KIF6: variants seen among roughly 807,000 people sequenced by gnomAD.
The protein encoded by KIF6 is kinesin-like protein KIF6.
In KIF6, 106 loss-of-function variants were observed where a neutral mutation model predicts 112.7. The ratio of observed to expected loss-of-function variants is 0.94; its 90% CI spans 0.80 to 1.11. The LOEUF (loss-of-function observed/expected upper bound fraction) is 1.11. Among genes scored for constraint, KIF6 ranks in the 50% least tolerant of loss-of-function variants. The pLI, the probability that KIF6 is intolerant of heterozygous loss-of-function variation, is 0.00. For synonymous variants in KIF6, 339 were observed against 339.9 expected (o/e 1.00, Z 0.03); for missense variants, 929 against 964.0 (o/e 0.96, Z 0.48).
intron 13 of KIF6, among the ~76,000 whole-genome samples, chr6:39,443,943 G>A (rs1772138358): frequency 6.6e-6 from 1 of 152,152 alleles, no homozygotes; most frequent in Non-Finnish European, 1.5e-5. Context: ...TAATTTTTGT[G>A]TGTCTTCCAT....
At chr6:39,672,613 C>T (rs1582416835) in intron 3 of KIF6, among the ~76,000 whole-genome samples, 1 of 152,158 alleles carries the variant, frequency 6.6e-6, no homozygotes, top group Admixed American at 6.5e-5. Flanking sequence ...TTATTTTTCA[C>T]ATTCTGAAGG....
At position 39,391,288 on chromosome 6, in the gene KIF6, C is replaced by T. The variant is rs180785031; in HGVS notation, c.1811-5616G>A. Among the ~76,000 whole-genome samples the T allele has an allele frequency of 3.8e-4, 58 of 152,264 alleles. 2 individuals carry two copies. In the East Asian group the frequency reaches 6.2e-3, roughly 16 times the overall value. ...GGAAGGTAACTAAAACAGCGCCATG[C>T]GGAACAGGGTAAGAGTCTGGCACAT... On this transcript the variant is annotated intron_variant, in intron 15 of 22. Transcript: ENST00000287152.
chr6:39,703,083 C>CT (rs1370936848), intron 3 of KIF6, among the ~76,000 whole-genome samples: 3 of 47,684 alleles, frequency 6.3e-5, no homozygotes, highest in South Asian at 7.6e-4. Flanking sequence ...CAACCCCCCA[C>CT]CCCCACTCCC....
intron 13 of KIF6, among the ~76,000 whole-genome samples, chr6:39,465,972 C>T (rs1773760800): frequency 6.6e-6 from 1 of 152,230 alleles, no homozygotes; most frequent in Non-Finnish European, 1.5e-5. Flanking sequence ...CAGAATGTCA[C>T]TCCCTTCTTT....
intron 6 of KIF6, among the ~76,000 whole-genome samples, chr6:39,600,069 T>C (rs1782491061): frequency 6.6e-6 from 1 of 152,198 alleles, no homozygotes; most frequent in South Asian, 2.1e-4. Flanking sequence ...TTTTAAGTGT[T>C]ATTGGATGTG....
chr6:39,627,271 G>T (rs1344972377), intron 5 of KIF6, among the ~76,000 whole-genome samples: 1 of 152,100 alleles, frequency 6.6e-6, no homozygotes, highest in African/African-American at 2.4e-5. Context: ...TCTTCCCTAT[G>T]AATCTTTGCC....
chr6:39,425,840 T>C (rs1770726792), intron 14 of KIF6, among the ~76,000 whole-genome samples: 1 of 150,136 alleles, frequency 6.7e-6, no homozygotes, highest in Admixed American at 6.6e-5. Context: ...AATGAAAGTC[T>C]AATGGGAGCC....
intron 1 of KIF6, among the ~76,000 whole-genome samples, chr6:39,721,949 C>T (rs1215190926): frequency 2.0e-5 from 3 of 151,782 alleles, no homozygotes; most frequent in Non-Finnish European, 2.9e-5. Context: ...TAAAAGCCTA[C>T]CTAAATCTCC....
At chr6:39,462,521 A>C (rs935749528) in intron 13 of KIF6, among the ~76,000 whole-genome samples, 7 of 152,206 alleles carry the variant, frequency 4.6e-5, no homozygotes, top group African/African-American at 1.7e-4. Context: ...GACTGATAAC[A>C]CTTGTAGCTG....
At chr6:39,528,242 T>G (rs1429787663) in intron 13 of KIF6, among the ~76,000 whole-genome samples, 1 of 152,224 alleles carries the variant, frequency 6.6e-6, no homozygotes, top group African/African-American at 2.4e-5. Context: ...CTTATTTCAA[T>G]TAGTATAATG....
intron 13 of KIF6, among the ~76,000 whole-genome samples, chr6:39,483,123 G>A (rs915377684): frequency 2.6e-5 from 4 of 152,172 alleles, no homozygotes; most frequent in African/African-American, 7.2e-5. Context: ...CAAAGAAGCT[G>A]TTTTAAAAGA....
chr6:39,477,722 G>A lies in KIF6; in HGVS notation c.1646-46561C>T, dbSNP rs113265362. Among the ~76,000 whole-genome samples, 559 of 152,198 alleles carry A rather than the reference G, an allele frequency of 3.7e-3. 4 individuals carry two copies. Among genetic ancestry groups the A allele is most frequent in the East Asian group, 0.015 (80 of 5,164 alleles). ...CTAAAAATACAAAAATTAGCGGGGCGTGGTGGCGCACTTCTGTAGTCCCAG... is the reference window on the plus strand; with the variant it reads ...CTAAAAATACAAAAATTAGCGGGGCATGGTGGCGCACTTCTGTAGTCCCAG... On this transcript the variant is annotated intron_variant, in intron 13 of 22. Transcript: ENST00000287152.
chr6:39,532,317 G>T (rs1429345190), intron 13 of KIF6, among the ~76,000 whole-genome samples: 4 of 152,172 alleles, frequency 2.6e-5, no homozygotes, highest in East Asian at 3.9e-4. Flanking sequence ...TGTATATAAG[G>T]ACTGTGTAAG....
intron 16 of KIF6, among the ~76,000 whole-genome samples, chr6:39,371,463 C>T (rs189411515): frequency 6.6e-6 from 1 of 152,310 alleles, no homozygotes; most frequent in African/African-American, 2.4e-5. Flanking sequence ...GGAGACTTCT[C>T]TGCGGGGGTC....
At chr6:39,622,033 G>A (rs537123851) in intron 5 of KIF6, among the ~76,000 whole-genome samples, 5 of 151,946 alleles carry the variant, frequency 3.3e-5, no homozygotes, top group East Asian at 1.9e-4. Context: ...CGGGTGGGGC[G>A]GCGGGCACCT....
chr6:39,703,565 T>C (rs1789010099), intron 3 of KIF6, among the ~76,000 whole-genome samples: 1 of 152,186 alleles, frequency 6.6e-6, no homozygotes, highest in Admixed American at 6.5e-5. Flanking sequence ...GTAAATTTGT[T>C]CCTATTATTT....
intron 10 of KIF6, among the ~76,000 whole-genome samples, chr6:39,550,548 G>GA (rs1046983014): frequency 2.0e-5 from 3 of 152,296 alleles, no homozygotes; most frequent in Middle Eastern, 3.4e-3. Context: ...TGGAAATAGT[G>GA]AGGGGGATGA....
At position 39,540,024 on chromosome 6, in the gene KIF6, T is replaced by C; in HGVS notation, c.1624A>G (p.Ser542Gly). The C allele has an allele frequency of 6.2e-7, 1 of 1,606,586 alleles. No homozygotes were observed. Among genetic ancestry groups the C allele is most frequent in the African/African-American group, 1.3e-5 (1 of 74,552 alleles). The change falls in exon 13 of 23, where the codon AGT (serine) becomes GGT (glycine). Residue 542 changes from serine (S) to glycine (G), a missense_variant. By Grantham distance (56) the Ser-to-Gly change is moderately conservative. Transcript: ENST00000287152. ...QDFSILGKRS[S>G]LLHKKIGMRE... ...TGACCTATTTTCTTGTGGAGCAAAC[T>C]GGATCTTTTCCCCAAAATGCTGAAG...
At chr6:39,563,633 T>C (rs934477775) in intron 10 of KIF6, among the ~76,000 whole-genome samples, 11 of 152,212 alleles carry the variant, frequency 7.2e-5, no homozygotes, top group Non-Finnish European at 2.9e-5. Context: ...TCTGTGTCCT[T>C]AGGGACAAAT....
Sources: allele counts gnomAD v4.1 joint callset (sites outside exome capture counted in the v4.1 genomes callset), GRCh38; gene constraint gnomAD v4.1.1; transcripts MANE v1.5; gene names NCBI Gene and HGNC (gene_info 2026-07-23, HGNC 2026-07-21).